Variants in IFT80 observed in about 807,000 individuals in gnomAD.
IFT80 encodes the protein intraflagellar transport 80, also known as intraflagellar transport protein 80 homolog.
Under a neutral mutation model 107.9 loss-of-function variants are expected in IFT80, and 79 were observed. The observed-to-expected ratio is 0.73, with a 90% confidence interval of 0.61 to 0.88. IFT80 has a LOEUF of 0.88. IFT80 is among the 40% of genes least tolerant of loss of function. The pLI is 0.00. For synonymous variants in IFT80, 299 were observed against 300.9 expected (o/e 0.99, Z 0.07); for missense variants, 797 against 914.2 (o/e 0.87, Z 1.65).
At chr3:160,324,041 A>C (rs1324815707) in intron 8 of IFT80, among the ~76,000 whole-genome samples, 1 of 152,194 alleles carries the variant, frequency 6.6e-6, no homozygotes, top group Non-Finnish European at 1.5e-5. Context: ...GAAATTGATA[A>C]ATTCCTCGAC....
At position 160,307,709 on chromosome 3, in the gene IFT80, A is replaced by G. The variant is rs2108277043; in HGVS notation, c.1030T>C (p.Tyr344His). The change falls in exon 10 of 20, where the codon TAT (tyrosine) becomes CAT (histidine). Residue 344 changes from tyrosine (Y) to histidine (H), a missense_variant. Transcript: ENST00000326448. ...RDRVIKASLN[Y>H]AHLVVSTSLQ... ...GACGTTGAAACAACTAAGTGTGCAT[A>G]GTTCAAAGATGCTTTAATGACTCTA... is the stretch of plus-strand genomic sequence containing the variant. The G allele has an allele frequency of 6.2e-7, 1 of 1,603,878 alleles. No homozygotes were observed. The highest frequency in any genetic ancestry group is 8.5e-7 in the Non-Finnish European group (1 of 1,170,716).
chr3:160,289,156 G>A (rs1715334827), intron 12 of IFT80, among the ~76,000 whole-genome samples: 1 of 152,138 alleles, frequency 6.6e-6, no homozygotes, highest in African/African-American at 2.4e-5. Context: ...TGTTCTTTGT[G>A]GGAACGTTGA....
chr3:160,336,106 G>C (rs1025747264), intron 8 of IFT80, among the ~76,000 whole-genome samples: 1 of 152,162 alleles, frequency 6.6e-6, no homozygotes, highest in Non-Finnish European at 1.5e-5. Flanking sequence ...TATGAATAAT[G>C]TTGCTATGAG....
Position 160,385,962 on chromosome 3 carries a change from C to T in IFT80, c.-46-1316G>A, listed in dbSNP as rs548110546. On this transcript the variant is annotated intron_variant, in intron 1 of 19. Transcript: ENST00000326448. ...TAGATAACAACAATACACATAAAAA[C>T]TGAATATACTATTACAATCAGAAAC... is the stretch of plus-strand genomic sequence containing the variant. Among the ~76,000 whole-genome samples the T allele has an allele frequency of 1.3e-4, 20 of 152,244 alleles. No homozygotes were observed. In the South Asian group the frequency reaches 3.5e-3, roughly 27 times the overall value.
intron 12 of IFT80, among the ~76,000 whole-genome samples, chr3:160,299,673 G>A (rs1716259129): frequency 6.6e-6 from 1 of 151,926 alleles, no homozygotes; most frequent in Non-Finnish European, 1.5e-5. Flanking sequence ...GGCTTTAAGC[G>A]CTAGCAGTAT....
intron 9 of IFT80, among the ~76,000 whole-genome samples, chr3:160,311,975 GT>G: frequency 6.6e-6 from 1 of 152,272 alleles, no homozygotes; most frequent in East Asian, 1.9e-4. Flanking sequence ...GAGAGACAGG[GT>G]TTCACCGTGT....
intron 18 of IFT80, among the ~76,000 whole-genome samples, chr3:160,270,828 T>C (rs1713745264): frequency 6.6e-6 from 1 of 152,100 alleles, no homozygotes; most frequent in Admixed American, 6.5e-5. Flanking sequence ...CCTTAGAAGC[T>C]CCATCTCCCA....
chr3:160,378,863 G>A (rs1712250097), intron 3 of IFT80, among the ~76,000 whole-genome samples: 1 of 152,076 alleles, frequency 6.6e-6, no homozygotes, highest in South Asian at 2.1e-4. Context: ...CAATATGGAA[G>A]AAATTACGGA....
Position 160,270,009 on chromosome 3 carries a change from A to AT in IFT80, c.2100-1474dup, listed in dbSNP as rs1440336408. Among the ~76,000 whole-genome samples the AT allele has an allele frequency of 3.4e-5, 5 of 148,506 alleles. No homozygotes were observed. In the East Asian group the frequency reaches 7.8e-4, roughly 23 times the overall value. ...TTGGCATGCTTTGGTTTGGCTTACT[A>AT]TTTTTTTTTTAGATGGAGTCTCATT... On this transcript the variant is annotated intron_variant, in intron 18 of 19. Coordinates refer to ENST00000326448, the MANE Select transcript of IFT80 (RefSeq NM_020800.3).
At chr3:160,328,576 C>T (rs190149590) in intron 8 of IFT80, among the ~76,000 whole-genome samples, 1 of 150,728 alleles carries the variant, frequency 6.6e-6, no homozygotes, top group East Asian at 2.0e-4. Context: ...TTGTGGAAGA[C>T]AGTATGGCAA....
Position 160,382,515 on chromosome 3 carries a change from C to T in IFT80, c.38-791G>A, listed in dbSNP as rs574908460. On this transcript the variant is annotated intron_variant, in intron 2 of 19. Coordinates refer to ENST00000326448, the MANE Select transcript of IFT80 (RefSeq NM_020800.3). Reference sequence around the variant, plus strand: ...TTTATCAGAAGAATTTCTATGTAAGCTGAGATGCTCAAGTAGCCCTCACTT... The same window carrying T: ...TTTATCAGAAGAATTTCTATGTAAGTTGAGATGCTCAAGTAGCCCTCACTT... Among the ~76,000 whole-genome samples the T allele has an allele frequency of 1.2e-4, 18 of 152,254 alleles. No individual in the cohort carries two copies. The South Asian group carries it at 3.5e-3, about 30-fold the overall frequency.
intron 12 of IFT80, among the ~76,000 whole-genome samples, chr3:160,298,562 A>G (rs1044209414): frequency 3.3e-5 from 5 of 152,064 alleles, no homozygotes; most frequent in African/African-American, 4.8e-5. Flanking sequence ...ATAATGAAAT[A>G]TGTTCCAGAT....
In IFT80 at chr3:160,300,882, CT is replaced by C. The variant is rs1453328017; in HGVS notation, c.1315del (p.Ile439Ter). 2 of 1,594,546 alleles carry C rather than the reference CT, an allele frequency of 1.3e-6. No homozygotes were observed. The highest frequency in any genetic ancestry group is 1.3e-5 in the African/African-American group (1 of 74,230). On this transcript the variant is annotated frameshift_variant and splice_region_variant, in exon 12 of 20. Transcript: ENST00000326448. LOFTEE classifies it high-confidence loss of function. ...IAIRDKADEK[I>X]IFLFEASTGK... is the part of the protein sequence containing the mutation. Reference sequence around the variant, plus strand: ...AGGAAAAATTATAAAAATATACTTACTTTTTTCATCAGCTTTGTCTCTTATT... The same window carrying C: ...AGGAAAAATTATAAAAATATACTTACTTTTTCATCAGCTTTGTCTCTTATT...
intron 8 of IFT80, among the ~76,000 whole-genome samples, chr3:160,332,323 G>A (rs1384177697): frequency 1.3e-5 from 2 of 152,182 alleles, no homozygotes; most frequent in Non-Finnish European, 2.9e-5. Flanking sequence ...TCAAGAACAT[G>A]AATGCTCAAC....
rs1249543237 is a variant in IFT80, at chr3:160,366,024, A to G, written c.549+19T>C. On this transcript the variant is annotated intron_variant, in intron 6 of 19. Coordinates refer to ENST00000326448, the MANE Select transcript of IFT80 (RefSeq NM_020800.3). ...GTCAGGCAGACCCTGATAACAATTT[A>G]CAAATGACTGAGAAGTACCTGCAAA... The G allele has an allele frequency of 6.3e-7, 1 of 1,585,360 alleles. No individual in the cohort carries two copies. The highest frequency in any genetic ancestry group is 1.3e-5 in the African/African-American group (1 of 74,282).
At chr3:160,327,299 A>T (rs995040230) in intron 8 of IFT80, among the ~76,000 whole-genome samples, 2 of 152,204 alleles carry the variant, frequency 1.3e-5, no homozygotes, top group African/African-American at 4.8e-5. Flanking sequence ...TACCATTGAT[A>T]TTCTTCACAG....
At chr3:160,275,926 G>T (rs570193482) in intron 18 of IFT80, among the ~76,000 whole-genome samples, 12 of 152,086 alleles carry the variant, frequency 7.9e-5, no homozygotes, top group African/African-American at 2.7e-4. Context: ...TTATTTAGAT[G>T]GAGTCTCGGT....
At chr3:160,333,750 A>G (rs549612003) in intron 8 of IFT80, among the ~76,000 whole-genome samples, 2 of 152,320 alleles carry the variant, frequency 1.3e-5, no homozygotes, top group East Asian at 3.9e-4. Context: ...TGAAGGACCT[A>G]TGTGAGGCTG....
intron 12 of IFT80, among the ~76,000 whole-genome samples, chr3:160,292,306 G>C (rs1051731620): frequency 1.3e-5 from 2 of 152,138 alleles, no homozygotes; most frequent in Admixed American, 6.5e-5. Flanking sequence ...AATGGGCAGA[G>C]AGATATCTTC....
Sources: gnomAD v4.1 joint callset for allele counts (sites outside exome capture counted in the v4.1 genomes callset) on GRCh38, gnomAD v4.1.1 for gene constraint, MANE v1.5 for transcripts, NCBI Gene and HGNC (gene_info 2026-07-23, HGNC 2026-07-21) for gene names.